The following SLC25A21 variants were observed in gnomAD, a reference collection of about 807,000 sequenced individuals.
SLC25A21 encodes the protein solute carrier family 25 member 21, also known as mitochondrial 2-oxodicarboxylate carrier.
A neutral mutation model predicts 43.8 loss-of-function variants in SLC25A21; 47 were observed. The ratio of observed to expected loss-of-function variants is 1.07; its 90% CI spans 0.85 to 1.37. The LOEUF is 1.37. SLC25A21 is among the 40% of genes most tolerant of loss of function. The pLI, the probability that SLC25A21 is intolerant of heterozygous loss-of-function variation, is 0.00. For synonymous variants in SLC25A21, 131 were observed against 121.3 expected, an observed-to-expected ratio of 1.08 and a Z score of -0.52; for missense variants, 352 against 350.2, an observed-to-expected ratio of 1.00 and a Z score of -0.04.
rs138422177 is a variant in SLC25A21, at chr14:37,003,653, A to T, written c.71-128649T>A. ...ACATCATGTTGAGCAAAGCAGCCAG[A>T]CATAAAACATTATATACTCAAAGAT... On this transcript the variant is annotated intron_variant, in intron 1 of 9. Transcript: ENST00000331299. Among the ~76,000 whole-genome samples, 294 of 152,336 alleles carry T rather than the reference A, an allele frequency of 1.9e-3. 1 individual carries two copies. Among genetic ancestry groups the T allele is most frequent in the African/African-American group, 6.4e-3 (266 of 41,588 alleles).
rs1328087696 is a variant in SLC25A21, at chr14:36,776,230, C to CTTTTTTTTTTTTTTTTTTTTTTTTTTT, written c.203+37687_203+37688insAAAAAAAAAAAAAAAAAAAAAAAAAAA. The stretch of plus-strand genomic sequence containing the variant: ...ACTGCTTTCTTTTTTCTTTTTCTTT[C>CTTTTTTTTTTTTTTTTTTTTTTTTTTT]TTTCTTTCTTTTTTTTTTTTTTTTG... On this transcript the variant is annotated intron_variant, in intron 3 of 9. Coordinates refer to ENST00000331299, the MANE Select transcript of SLC25A21 (RefSeq NM_030631.4). Among the ~76,000 whole-genome samples, 12 of 70,794 alleles carry CTTTTTTTTTTTTTTTTTTTTTTTTTTT rather than the reference C, an allele frequency of 1.7e-4. 2 individuals carry two copies. The highest frequency in any genetic ancestry group is 4.1e-4 in the East Asian group (1 of 2,430). 46.4% of individuals were successfully genotyped at this position (70,794 alleles called of 152,430 possible). A position where few individuals can be genotyped will look rare whatever the true frequency, so the allele number is the denominator to read the frequency against.
intron 7 of SLC25A21, among the ~76,000 whole-genome samples, chr14:36,696,748 G>A (rs1361008387): frequency 2.6e-5 from 4 of 152,152 alleles, no homozygotes; most frequent in Non-Finnish European, 5.9e-5. Context: ...TGGGATCGGT[G>A]CTGATATCCC....
At chr14:37,022,767 A>G (rs1318898396) in intron 1 of SLC25A21, among the ~76,000 whole-genome samples, 1 of 152,060 alleles carries the variant, frequency 6.6e-6, no homozygotes, top group Non-Finnish European at 1.5e-5. Flanking sequence ...ACCTTTGACT[A>G]TGCCCAAATG....
chr14:36,838,037 T>C (rs748896535), intron 2 of SLC25A21, among the ~76,000 whole-genome samples: 4 of 152,158 alleles, frequency 2.6e-5, no homozygotes, highest in Non-Finnish European at 5.9e-5. Context: ...AAGACTGATG[T>C]GGGCAAGTGC....
intron 1 of SLC25A21, among the ~76,000 whole-genome samples, chr14:36,990,737 G>A (rs995147978): frequency 6.6e-6 from 1 of 151,990 alleles, no homozygotes; most frequent in African/African-American, 2.4e-5. Context: ...AATTAGCTGG[G>A]TGTGGTGGTG....
chr14:37,166,318 G>C (rs1434770471), intron 1 of SLC25A21, among the ~76,000 whole-genome samples: 1 of 152,182 alleles, frequency 6.6e-6, no homozygotes, highest in African/African-American at 2.4e-5. Context: ...GAGTGAGCAA[G>C]GTACTACTTA....
intron 7 of SLC25A21, among the ~76,000 whole-genome samples, chr14:36,693,405 G>A (rs1882877398): frequency 6.6e-6 from 1 of 152,066 alleles, no homozygotes; most frequent in Non-Finnish European, 1.5e-5. Context: ...AGGCAGGGAG[G>A]GGAAGCTAGG....
chr14:36,684,354 TAA>T lies in SLC25A21; in HGVS notation c.785+388_785+389del, dbSNP rs551025714. 6.9e-4 allele frequency among the ~76,000 whole-genome samples: 105 copies of T among 152,350 alleles called. 2 individuals are homozygous for T. The highest frequency in any genetic ancestry group is 3.4e-3 in the Admixed American group (52 of 15,306). ...GAAAAATGCACATACTTTAAATTTT[TAA>T]AAGTGTTTTTACAGAACTCTATAAT... On this transcript the variant is annotated intron_variant, in intron 8 of 9. Coordinates refer to ENST00000331299, the MANE Select transcript of SLC25A21 (RefSeq NM_030631.4).
intron 1 of SLC25A21, among the ~76,000 whole-genome samples, chr14:37,135,076 C>A (rs541562995): frequency 6.6e-6 from 1 of 152,134 alleles, no homozygotes; most frequent in Non-Finnish European, 1.5e-5. Flanking sequence ...TACAGGCACA[C>A]GCCACCATGC....
chr14:37,151,584 A>G (rs1456862780), intron 1 of SLC25A21, among the ~76,000 whole-genome samples: 1 of 152,224 alleles, frequency 6.6e-6, no homozygotes, highest in African/African-American at 2.4e-5. Context: ...TGGGGGCAAT[A>G]CTTGAAGGGG....
intron 1 of SLC25A21, among the ~76,000 whole-genome samples, chr14:36,910,421 C>A (rs1191378544): frequency 1.3e-5 from 2 of 152,050 alleles, no homozygotes; most frequent in Non-Finnish European, 2.9e-5. Flanking sequence ...CAGGACCTCA[C>A]CATATTTCTA....
intron 9 of SLC25A21, among the ~76,000 whole-genome samples, chr14:36,681,071 C>T (rs1158752950): frequency 6.6e-6 from 1 of 152,010 alleles, no homozygotes; most frequent in African/African-American, 2.4e-5. Context: ...CCTTCAGATT[C>T]TTCATGTGTA....
At chr14:36,717,118 T>C (rs1052657461) in intron 6 of SLC25A21, among the ~76,000 whole-genome samples, 2 of 152,176 alleles carry the variant, frequency 1.3e-5, no homozygotes, top group Non-Finnish European at 2.9e-5. Flanking sequence ...AATATGCTTG[T>C]TCTTCAGGAA....
In SLC25A21 at chr14:36,819,792, T is replaced by C. The variant is rs530214659; in HGVS notation, c.120-5791A>G. ...ATATACATATATAACTTACATATTA[T>C]ACATTTGGTGCAAAAGTAATCGTGG... On this transcript the variant is annotated intron_variant, in intron 2 of 9. Coordinates refer to ENST00000331299, the MANE Select transcript of SLC25A21 (RefSeq NM_030631.4). Among the ~76,000 whole-genome samples the C allele has an allele frequency of 7.2e-5, 11 of 152,196 alleles. No homozygotes were observed. In the East Asian group the frequency reaches 1.5e-3, roughly 21 times the overall value.
chr14:36,713,171 T>C (rs1594515130), intron 6 of SLC25A21, among the ~76,000 whole-genome samples: 1 of 152,192 alleles, frequency 6.6e-6, no homozygotes, highest in Non-Finnish European at 1.5e-5. Flanking sequence ...CGAGGCCATC[T>C]AAGTTTTAGA....
At chr14:37,006,243 C>T (rs1051296289) in intron 1 of SLC25A21, among the ~76,000 whole-genome samples, 2 of 152,056 alleles carry the variant, frequency 1.3e-5, no homozygotes, top group East Asian at 3.9e-4. Context: ...AATATGAATA[C>T]ATGGGCTTTT....
intron 1 of SLC25A21, among the ~76,000 whole-genome samples, chr14:37,094,384 C>T (rs945529150): frequency 6.6e-6 from 1 of 151,996 alleles, no homozygotes; most frequent in Non-Finnish European, 1.5e-5. Flanking sequence ...TAAGATGATG[C>T]CTATTAATAT....
intron 1 of SLC25A21, among the ~76,000 whole-genome samples, chr14:37,079,459 T>C (rs1962344869): frequency 6.6e-6 from 1 of 152,198 alleles, no homozygotes. Flanking sequence ...CCAAGTTCTG[T>C]CAATCTGCCT....
At chr14:36,892,177 A>G (rs1454967227) in intron 1 of SLC25A21, among the ~76,000 whole-genome samples, 1 of 152,206 alleles carries the variant, frequency 6.6e-6, no homozygotes, top group Non-Finnish European at 1.5e-5. Context: ...TACAGCCATT[A>G]TGAAAAATAG....
Sources: gnomAD v4.1 joint callset for allele counts (sites outside exome capture counted in the v4.1 genomes callset) on GRCh38, gnomAD v4.1.1 for gene constraint, MANE v1.5 for transcripts, NCBI Gene and HGNC (gene_info 2026-07-23, HGNC 2026-07-21) for gene names.